The following PPFIBP2 variants were observed in gnomAD, a reference collection of about 807,000 sequenced individuals.
PPFIBP2 encodes the protein liprin-beta-2.
In PPFIBP2, 118 loss-of-function variants were observed where a neutral mutation model predicts 118.3. The observed-to-expected ratio is 1.00, with a 90% CI of 0.86 to 1.16. PPFIBP2 has a LOEUF of 1.16. Among genes scored for constraint, PPFIBP2 ranks in the 50% most tolerant of loss-of-function variants. The probability of loss-of-function intolerance (pLI) is 0.00; values close to 1 mark genes in which losing one functional copy is unlikely to be tolerated. For synonymous variants in PPFIBP2, 414 were observed against 397.4 expected (o/e 1.04, Z -0.50); for missense variants, 1,195 against 1,073.1 (o/e 1.11, Z -1.59).
rs1006366353 is a variant in PPFIBP2, at chr11:7,559,416, C to T, written c.65-6137C>T. 3.3e-5 allele frequency among the ~76,000 whole-genome samples: 5 copies of T among 152,094 alleles called. No homozygotes were observed. The East Asian group carries it at 9.6e-4, about 29-fold the overall frequency. On this transcript the variant is annotated intron_variant, in intron 2 of 23. Coordinates refer to ENST00000299492, the MANE Select transcript of PPFIBP2 (RefSeq NM_003621.5). ...GTGTGTGGAGTGTGGAAATGAGCCT[C>T]CTGGGAGATTTTGCAATTGCTAATG...
At chr11:7,650,998 T>TGG (rs778035537) in intron 22 of PPFIBP2, 33 bp downstream of exon 22, 1 of 1,597,246 alleles carries the variant, frequency 6.3e-7, no homozygotes, top group Non-Finnish European at 8.6e-7. Context: ...CCACCTGCCT[T>TGG]GGTGCAAATG....
chr11:7,555,775 A>T (rs1853543519), intron 2 of PPFIBP2, among the ~76,000 whole-genome samples: 1 of 152,140 alleles, frequency 6.6e-6, no homozygotes, highest in Non-Finnish European at 1.5e-5. Flanking sequence ...CCAGTCCTTT[A>T]TGGAACTGTG....
intron 2 of PPFIBP2, among the ~76,000 whole-genome samples, chr11:7,560,734 G>T (rs973949365): frequency 5.9e-5 from 9 of 152,130 alleles, no homozygotes; most frequent in Non-Finnish European, 1.2e-4. Context: ...GAAAGATTAG[G>T]CCAGTCTTTG....
At chr11:7,547,500 C>T (rs1194837331) in intron 1 of PPFIBP2, among the ~76,000 whole-genome samples, 1 of 152,170 alleles carries the variant, frequency 6.6e-6, no homozygotes, top group Non-Finnish European at 1.5e-5. Context: ...ATCCCTTATG[C>T]TGAACAGGTG....
chr11:7,618,110 T>G (rs2135575871), intron 6 of PPFIBP2, among the ~76,000 whole-genome samples: 1 of 152,240 alleles, frequency 6.6e-6, no homozygotes, highest in Admixed American at 6.5e-5. Context: ...TGGTCCATAC[T>G]CAATTAGGGA....
chr11:7,554,633 G>T (rs989186223), intron 2 of PPFIBP2, among the ~76,000 whole-genome samples: 11 of 152,262 alleles, frequency 7.2e-5, no homozygotes, highest in African/African-American at 2.4e-4. Context: ...GCCACGGTGC[G>T]ATGGCCTTTG....
At chr11:7,564,877 C>G (rs1333912816) in intron 2 of PPFIBP2, among the ~76,000 whole-genome samples, 2 of 152,206 alleles carry the variant, frequency 1.3e-5, no homozygotes, top group African/African-American at 4.8e-5. Flanking sequence ...TACAGAGTCA[C>G]TTCCACTGCT....
At chr11:7,577,389 G>A (rs372663291) in intron 3 of PPFIBP2, 78 of 359,042 alleles carry the variant, frequency 2.2e-4, no homozygotes, top group African/African-American at 1.5e-3. Flanking sequence ...GAAGCAGCAC[G>A]GTCTGCTCTG....
intron 9 of PPFIBP2, 62 bp downstream of exon 9, chr11:7,628,408 C>T (rs1250729576): frequency 2.4e-5 from 35 of 1,472,032 alleles, no homozygotes; most frequent in Middle Eastern, 1.7e-4. Flanking sequence ...GTGTTTGGTC[C>T]CTGCTGGTCT....
intron 5 of PPFIBP2, among the ~76,000 whole-genome samples, chr11:7,608,843 A>G (rs1351877500): frequency 6.6e-6 from 1 of 152,252 alleles, no homozygotes; most frequent in African/African-American, 2.4e-5. Context: ...GAGGCACTCA[A>G]CAAATTTCAG....
intron 12 of PPFIBP2, among the ~76,000 whole-genome samples, chr11:7,634,200 T>A (rs940428835): frequency 1.3e-5 from 2 of 152,210 alleles, no homozygotes; most frequent in Non-Finnish European, 2.9e-5. Flanking sequence ...CGCACAATTG[T>A]CACCTCAGTG....
chr11:7,665,876 G>A, the PPFIBP2 span: 1 of 1,536,140 alleles, frequency 6.5e-7, no homozygotes, highest in Non-Finnish European at 8.7e-7. Context: ...GCAGGGTGTG[G>A]CCTGGTGTTA....
chr11:7,526,062 A>G (rs1850201322), intron 1 of PPFIBP2, among the ~76,000 whole-genome samples: 1 of 152,240 alleles, frequency 6.6e-6, no homozygotes, highest in Admixed American at 6.5e-5. Context: ...TAAAGAACTC[A>G]GGCTTGTCTC....
chr11:7,665,258 G>T, the PPFIBP2 span: 1 of 890,246 alleles, frequency 1.1e-6, no homozygotes, highest in Non-Finnish European at 1.7e-6. Context: ...ACCAGTGTGT[G>T]CGCGAAGGTA....
intron 20 of PPFIBP2, 122 bp downstream of exon 20, chr11:7,649,357 T>G: frequency 7.9e-7 from 1 of 1,259,628 alleles, no homozygotes; most frequent in Non-Finnish European, 1.1e-6. Context: ...GTATCATTTG[T>G]CACAAAAGAG....
chr11:7,521,354 A>G (rs909067882), intron 1 of PPFIBP2, among the ~76,000 whole-genome samples: 2 of 152,122 alleles, frequency 1.3e-5, no homozygotes, highest in Non-Finnish European at 2.9e-5. Context: ...ATGGCATTCA[A>G]ATCTCTACAG....
At chr11:7,583,545 C>T (rs1590367876) in intron 3 of PPFIBP2, among the ~76,000 whole-genome samples, 1 of 152,208 alleles carries the variant, frequency 6.6e-6, no homozygotes, top group African/African-American at 2.4e-5. Context: ...TTCACATCCT[C>T]TCATTACAGG....
At chr11:7,554,561 T>C (rs945568343) in intron 2 of PPFIBP2, among the ~76,000 whole-genome samples, 2 of 152,064 alleles carry the variant, frequency 1.3e-5, no homozygotes, top group African/African-American at 4.8e-5. Context: ...CTGTAAACAA[T>C]CAGACCAGGA....
At chr11:7,598,017 C>A (rs1009555338) in intron 5 of PPFIBP2, 5 of 212,312 alleles carry the variant, frequency 2.4e-5, no homozygotes, top group African/African-American at 1.1e-4. Context: ...TTTAGAAAGT[C>A]AATTCTCAGC....
Sources: gnomAD v4.1 joint callset for allele counts (sites outside exome capture counted in the v4.1 genomes callset) on GRCh38, gnomAD v4.1.1 for gene constraint, MANE v1.5 for transcripts, NCBI Gene and HGNC (gene_info 2026-07-23, HGNC 2026-07-21) for gene names.